ARHGAP6: variants seen among roughly 807,000 people sequenced by gnomAD.
ARHGAP6 encodes the protein Rho GTPase activating protein 6.
ARHGAP6 carries 16 observed loss-of-function variants against 55.7 expected under a neutral mutation model. The ratio of observed to expected loss-of-function variants is 0.29; its 90% CI spans 0.19 to 0.44. The LOEUF (loss-of-function observed/expected upper bound fraction) is 0.44, where lower values mean the gene tolerates loss of function less well. Among genes scored for constraint, ARHGAP6 ranks in the 20% least tolerant of loss-of-function variants. ARHGAP6 has a pLI of 1.00. For synonymous variants in ARHGAP6, 382 were observed against 360.9 expected, an observed-to-expected ratio of 1.06 and a Z score of -0.66; for missense variants, 698 against 808.9, an observed-to-expected ratio of 0.86 and a Z score of 1.66.
intron 2 of ARHGAP6, among the ~76,000 whole-genome samples, chrX:11,249,034 A>G (rs921761439): frequency 8.9e-6 from 1 of 112,167 alleles, no homozygotes; most frequent in African/African-American, 3.2e-5. Flanking sequence ...CCATCACTCA[A>G]TGAGTGGATA....
chrX:11,637,088 A>AT (rs1387775766), intron 1 of ARHGAP6, among the ~76,000 whole-genome samples: 5 of 111,872 alleles, frequency 4.5e-5, no homozygotes, highest in Non-Finnish European at 9.4e-5. Flanking sequence ...TACTTTATTT[A>AT]TAAACTTATA....
rs6640721 is a variant in ARHGAP6, at chrX:11,247,049, A to T, written c.748+7499T>A. 3.6e-5 allele frequency among the ~76,000 whole-genome samples: 4 copies of T among 112,095 alleles called. No homozygotes were observed. The East Asian group carries it at 1.1e-3, about 31-fold the overall frequency. On this transcript the variant is annotated intron_variant, in intron 2 of 12. Transcript: ENST00000337414. ...CTGAAGACAGCTGCAGTGTTGGCCT[A>T]GCAAGAATGTAATTTTCCTTATTTC...
intron 1 of ARHGAP6, among the ~76,000 whole-genome samples, chrX:11,500,481 T>G (rs1376594204): frequency 9.2e-6 from 1 of 108,817 alleles, no homozygotes; most frequent in Non-Finnish European, 1.9e-5. Flanking sequence ...GCCAACATGG[T>G]GAAACCCCGT....
intron 1 of ARHGAP6, among the ~76,000 whole-genome samples, chrX:11,588,279 G>C (rs2051759726): frequency 8.9e-6 from 1 of 112,033 alleles, no homozygotes; most frequent in Non-Finnish European, 1.9e-5. Context: ...ACCACTTTCT[G>C]GTCTACAAAT....
intron 9 of ARHGAP6, among the ~76,000 whole-genome samples, chrX:11,159,404 A>G (rs1374635980): frequency 1.8e-5 from 2 of 111,234 alleles, no homozygotes; most frequent in Admixed American, 1.9e-4. Context: ...TGGGTCCTGA[A>G]CCAGGGCAGT....
chrX:11,325,940 A>G (rs1420129038), intron 1 of ARHGAP6, among the ~76,000 whole-genome samples: 2 of 111,377 alleles, frequency 1.8e-5, no homozygotes, highest in Non-Finnish European at 3.8e-5. Flanking sequence ...CTCACAAAAA[A>G]GAATGATCTG....
chrX:11,143,519 T>G (rs1009432184), intron 11 of ARHGAP6: 2 of 805,125 alleles, frequency 2.5e-6, no homozygotes, highest in Non-Finnish European at 1.5e-6. Context: ...AGTGCTCTCT[T>G]GTCATTGGAT....
chrX:11,531,637 A>G (rs1271627185), intron 1 of ARHGAP6, among the ~76,000 whole-genome samples: 1 of 110,583 alleles, frequency 9.0e-6, no homozygotes, highest in African/African-American at 3.3e-5. Flanking sequence ...TAAAACCTGA[A>G]CTGCATCAGA....
intron 1 of ARHGAP6, among the ~76,000 whole-genome samples, chrX:11,318,437 T>A (rs1273863012): frequency 8.9e-6 from 1 of 111,997 alleles, no homozygotes; most frequent in African/African-American, 3.2e-5. Flanking sequence ...ATTGATTATG[T>A]CTTAATGAAT....
intron 1 of ARHGAP6, among the ~76,000 whole-genome samples, chrX:11,640,335 C>T (rs2052461078): frequency 9.0e-6 from 1 of 111,307 alleles, no homozygotes. Context: ...TACAAAAACC[C>T]CAAAATACTC....
At chrX:11,399,945 T>C (rs1340850845) in intron 1 of ARHGAP6, among the ~76,000 whole-genome samples, 5 of 112,028 alleles carry the variant, frequency 4.5e-5, no homozygotes, top group Non-Finnish European at 9.4e-5. Flanking sequence ...CTTGAAAACA[T>C]TATGCTAAGT....
At chrX:11,472,159 G>C (rs190609099) in intron 1 of ARHGAP6, among the ~76,000 whole-genome samples, 143 of 111,235 alleles carry the variant, frequency 1.3e-3, no homozygotes, top group African/African-American at 4.6e-3. Flanking sequence ...CCTGTTGTGA[G>C]GGTGGTTCTG....
intron 1 of ARHGAP6, among the ~76,000 whole-genome samples, chrX:11,362,803 C>A (rs761540452): frequency 1.8e-5 from 2 of 111,271 alleles, no homozygotes; most frequent in Non-Finnish European, 3.8e-5. Flanking sequence ...CTGCCTCCTT[C>A]GGCACCAGTC....
At chrX:11,529,486 C>T (rs2051026091) in intron 1 of ARHGAP6, among the ~76,000 whole-genome samples, 1 of 112,087 alleles carries the variant, frequency 8.9e-6, no homozygotes, top group Non-Finnish European at 1.9e-5. Flanking sequence ...TGCCAAATTT[C>T]TATAAAAGTT....
chrX:11,424,444 G>C (rs757086910), intron 1 of ARHGAP6, among the ~76,000 whole-genome samples: 1 of 112,261 alleles, frequency 8.9e-6, no homozygotes, highest in Non-Finnish European at 1.9e-5. Flanking sequence ...CTCTAGAAAT[G>C]CTGCCAGAAA....
chrX:11,401,353 A>G (rs1256688006), intron 1 of ARHGAP6, among the ~76,000 whole-genome samples: 1 of 111,988 alleles, frequency 8.9e-6, no homozygotes, highest in Non-Finnish European at 1.9e-5. Flanking sequence ...CCAAAGTCAC[A>G]AATGATGAAA....
At chrX:11,250,189 A>G (rs2047405241) in intron 2 of ARHGAP6, among the ~76,000 whole-genome samples, 1 of 112,119 alleles carries the variant, frequency 8.9e-6, no homozygotes, top group African/African-American at 3.2e-5. Context: ...TCACTTAATT[A>G]TTTTCCCAGA....
intron 2 of ARHGAP6, among the ~76,000 whole-genome samples, chrX:11,219,233 C>T (rs1378903112): frequency 1.9e-5 from 2 of 104,097 alleles, no homozygotes; most frequent in African/African-American, 7.0e-5. Context: ...TTTTTTATGG[C>T]TGCATAGTAT....
At chrX:11,274,051 C>T (rs1240471167) in intron 1 of ARHGAP6, among the ~76,000 whole-genome samples, 1 of 111,241 alleles carries the variant, frequency 9.0e-6, no homozygotes. Context: ...ACTCAGGGAC[C>T]TTAGTCCTGA....
Sources: gnomAD v4.1 joint callset for allele counts (sites outside exome capture counted in the v4.1 genomes callset) on GRCh38, gnomAD v4.1.1 for gene constraint, MANE v1.5 for transcripts, NCBI Gene and HGNC (gene_info 2026-07-23, HGNC 2026-07-21) for gene names.